GALNT17: variants seen among roughly 807,000 people sequenced by gnomAD.
The protein encoded by GALNT17 is polypeptide N-acetylgalactosaminyltransferase 17.
A neutral mutation model predicts 63.7 loss-of-function variants in GALNT17; 29 were observed. That is an observed-to-expected ratio of 0.46 (90% CI 0.34 to 0.62). The LOEUF (loss-of-function observed/expected upper bound fraction) is 0.62. Ranked by LOEUF, GALNT17 falls within the 20% of genes least tolerant of loss-of-function variation. GALNT17 has a pLI of 0.01. For missense variants in GALNT17, 603 were observed against 799.6 expected (o/e 0.75, Z 2.97); for synonymous variants, 305 against 318.3 (o/e 0.96, Z 0.45).
Position 71,522,469 on chromosome 7 carries a change from TG to T in GALNT17, c.963-48814del, listed in dbSNP as rs1228117567. ...AAGGAGGAGCAAGTCACGTTTTACA[TG>T]GATGGCAGCAGGCAAAGAGAGAATG... On this transcript the variant is annotated intron_variant, in intron 5 of 10. Transcript: ENST00000333538. Among the ~76,000 whole-genome samples, 3 of 152,166 alleles carry T rather than the reference TG, an allele frequency of 2.0e-5. No individual in the cohort carries two copies. In the East Asian group the frequency reaches 5.8e-4, roughly 29 times the overall value.
chr7:71,510,864 C>G (rs1483406059), intron 5 of GALNT17, among the ~76,000 whole-genome samples: 1 of 152,130 alleles, frequency 6.6e-6, no homozygotes, highest in East Asian at 1.9e-4. Flanking sequence ...TGAACTGAGA[C>G]CTGCAAGATG....
At chr7:71,407,959 G>A (rs893394604) in intron 3 of GALNT17, among the ~76,000 whole-genome samples, 1 of 152,124 alleles carries the variant, frequency 6.6e-6, no homozygotes, top group African/African-American at 2.4e-5. Flanking sequence ...TTTATGTTTG[G>A]GGTGATGAAA....
intron 5 of GALNT17, among the ~76,000 whole-genome samples, chr7:71,435,115 CAGG>C (rs1275879978): frequency 1.3e-5 from 2 of 151,994 alleles, no homozygotes; most frequent in Non-Finnish European, 1.5e-5. Context: ...TTGTTGAGAC[CAGG>C]AGTTCAAGAC....
intron 1 of GALNT17, among the ~76,000 whole-genome samples, chr7:71,273,801 A>G (rs540724721): frequency 2.6e-5 from 4 of 152,326 alleles, no homozygotes; most frequent in African/African-American, 9.6e-5. Context: ...GGTCAAATAC[A>G]ATCATGGCAT....
intron 3 of GALNT17, among the ~76,000 whole-genome samples, chr7:71,396,541 G>A (rs1316949896): frequency 3.3e-5 from 5 of 152,136 alleles, no homozygotes; most frequent in African/African-American, 9.7e-5. Context: ...AATTTTAAAA[G>A]TGGGAAGTGT....
intron 1 of GALNT17, among the ~76,000 whole-genome samples, chr7:71,159,165 G>A (rs764018915): frequency 1.3e-5 from 2 of 151,786 alleles, no homozygotes; most frequent in African/African-American, 2.4e-5. Context: ...AGCCCCTCAT[G>A]TCTGGCCTAG....
intron 6 of GALNT17, among the ~76,000 whole-genome samples, chr7:71,588,317 T>C (rs1010026565): frequency 7.2e-5 from 11 of 152,192 alleles, no homozygotes; most frequent in African/African-American, 2.7e-4. Flanking sequence ...TAAATAATAG[T>C]TTCAAAATAA....
At position 71,671,385 on chromosome 7, in the gene GALNT17, G is replaced by A. The variant is rs115818656; in HGVS notation, c.1404+1276G>A. On this transcript the variant is annotated intron_variant, in intron 8 of 10. Transcript: ENST00000333538. Reference sequence around the variant, plus strand: ...TAAGAAGAATCCCTTTGACTTAGGAGTATTTACATTTTTCTACAACTGTGG... The same window carrying A: ...TAAGAAGAATCCCTTTGACTTAGGAATATTTACATTTTTCTACAACTGTGG... Among the ~76,000 whole-genome samples the A allele has an allele frequency of 2.4e-3, 367 of 152,286 alleles. 3 individuals are homozygous for A. The highest frequency in any genetic ancestry group is 8.6e-3 in the African/African-American group (356 of 41,562).
At chr7:71,286,514 C>G (rs575660009) in intron 1 of GALNT17, among the ~76,000 whole-genome samples, 2 of 152,152 alleles carry the variant, frequency 1.3e-5, no homozygotes, top group Non-Finnish European at 2.9e-5. Flanking sequence ...TATTCCCGTT[C>G]GCAAATAAGG....
chr7:71,418,132 C>G (rs1786577995), intron 4 of GALNT17, among the ~76,000 whole-genome samples: 1 of 152,192 alleles, frequency 6.6e-6, no homozygotes, highest in Non-Finnish European at 1.5e-5. Flanking sequence ...GACAGTTGGA[C>G]ACTAAGCTGG....
At chr7:71,384,162 A>G (rs1187824971) in intron 2 of GALNT17, among the ~76,000 whole-genome samples, 4 of 152,030 alleles carry the variant, frequency 2.6e-5, no homozygotes, top group Non-Finnish European at 4.4e-5. Context: ...AACAGTAGCC[A>G]TCTTAATGGA....
At chr7:71,575,012 A>G (rs1789512742) in intron 6 of GALNT17, among the ~76,000 whole-genome samples, 2 of 152,118 alleles carry the variant, frequency 1.3e-5, no homozygotes, top group East Asian at 3.9e-4. Flanking sequence ...AGGCACCAAC[A>G]TCTACTACCT....
chr7:71,431,642 T>G (rs994175482), intron 5 of GALNT17, among the ~76,000 whole-genome samples: 1 of 152,178 alleles, frequency 6.6e-6, no homozygotes, highest in Admixed American at 6.5e-5. Flanking sequence ...GTCTGTGTTC[T>G]TACCTGCTGT....
chr7:71,483,657 G>A (rs1787860079), intron 5 of GALNT17, among the ~76,000 whole-genome samples: 1 of 151,692 alleles, frequency 6.6e-6, no homozygotes, highest in African/African-American at 2.4e-5. Flanking sequence ...CTGGGTTCAA[G>A]CAATTCTTAT....
intron 6 of GALNT17, among the ~76,000 whole-genome samples, chr7:71,611,726 C>G (rs1042671942): frequency 1.8e-4 from 28 of 151,882 alleles, no homozygotes; most frequent in African/African-American, 6.5e-4. Flanking sequence ...TTATCTAGTG[C>G]CATGAAAATG....
intron 1 of GALNT17, among the ~76,000 whole-genome samples, chr7:71,254,866 T>G (rs1399858352): frequency 6.6e-6 from 1 of 152,216 alleles, no homozygotes; most frequent in Non-Finnish European, 1.5e-5. Flanking sequence ...TACTGCGGCT[T>G]TCACTGAATC....
intron 6 of GALNT17, among the ~76,000 whole-genome samples, chr7:71,633,636 C>A (rs939869198): frequency 6.6e-6 from 1 of 152,126 alleles, no homozygotes; most frequent in Non-Finnish European, 1.5e-5. Flanking sequence ...CTCTGAGGGC[C>A]CCGAGAGGAT....
At chr7:71,669,598 G>C (rs537618669) in intron 7 of GALNT17, among the ~76,000 whole-genome samples, 13 of 140,532 alleles carry the variant, frequency 9.3e-5, no homozygotes, top group Non-Finnish European at 1.7e-4. Flanking sequence ...GTCTCGCACT[G>C]TCACCTGGGC....
chr7:71,524,454 T>G (rs1483798069), intron 5 of GALNT17, among the ~76,000 whole-genome samples: 2 of 152,026 alleles, frequency 1.3e-5, no homozygotes, highest in Non-Finnish European at 2.9e-5. Context: ...TGAAAACCAC[T>G]GATCTAAACT....
Sources: allele counts gnomAD v4.1 joint callset (sites outside exome capture counted in the v4.1 genomes callset), GRCh38; gene constraint gnomAD v4.1.1; transcripts MANE v1.5; gene names NCBI Gene and HGNC (gene_info 2026-07-23, HGNC 2026-07-21).